CORIN: variants seen among roughly 807,000 people sequenced by gnomAD.
The protein encoded by CORIN is corin, serine peptidase.
In CORIN, 117 loss-of-function variants were observed where a neutral mutation model predicts 125.3. The ratio of observed to expected loss-of-function variants is 0.93; its 90% CI spans 0.80 to 1.09. The LOEUF (loss-of-function observed/expected upper bound fraction) is 1.09, where lower values mean the gene tolerates loss of function less well. Among genes scored for constraint, CORIN ranks in the 50% least tolerant of loss-of-function variants. The pLI, the probability that CORIN is intolerant of heterozygous loss-of-function variation, is 0.00. For synonymous variants in CORIN, 450 were observed against 466.4 expected (o/e 0.96, Z 0.45); for missense variants, 1,253 against 1,306.7 (o/e 0.96, Z 0.63).
chr4:47,730,613 C>T (rs764968438), intron 5 of CORIN, among the ~76,000 whole-genome samples: 10 of 152,182 alleles, frequency 6.6e-5, no homozygotes, highest in African/African-American at 9.6e-5. Flanking sequence ...CATGCTCCCC[C>T]TAGGGGTTTG....
intron 10 of CORIN, among the ~76,000 whole-genome samples, chr4:47,668,328 G>A (rs894232834): frequency 1.3e-5 from 2 of 152,166 alleles, no homozygotes; most frequent in Non-Finnish European, 1.5e-5. Flanking sequence ...TTCCCTGCAA[G>A]CCAACAGAAG....
intron 1 of CORIN, among the ~76,000 whole-genome samples, chr4:47,809,508 G>A (rs929547900): frequency 1.3e-5 from 2 of 149,402 alleles, no homozygotes; most frequent in African/African-American, 2.5e-5. Flanking sequence ...AGGTTCATGC[G>A]ATTCTCCTAC....
intron 5 of CORIN, among the ~76,000 whole-genome samples, chr4:47,735,637 T>C (rs1408840966): frequency 6.6e-6 from 1 of 152,144 alleles, no homozygotes; most frequent in Admixed American, 6.5e-5. Context: ...ATACTAATAA[T>C]GGGCTGGGCA....
intron 4 of CORIN, among the ~76,000 whole-genome samples, chr4:47,754,628 A>G (rs936042812): frequency 9.2e-5 from 14 of 152,002 alleles, no homozygotes; most frequent in African/African-American, 3.4e-4. Context: ...AGACCAATCC[A>G]TCCAATACAC....
intron 19 of CORIN, among the ~76,000 whole-genome samples, chr4:47,610,846 G>T (rs1388039545): frequency 6.6e-6 from 1 of 152,156 alleles, no homozygotes; most frequent in Non-Finnish European, 1.5e-5. Flanking sequence ...TATTAAATAG[G>T]AAATCTTTTC....
intron 9 of CORIN, 140 bp from the exon 10 acceptor site, chr4:47,674,640 C>T (rs183405551): frequency 2.9e-5 from 18 of 623,348 alleles, no homozygotes; most frequent in Admixed American, 2.7e-4. Context: ...AAGTATTGAA[C>T]GTACGTTGAA....
chr4:47,729,704 G>A (rs1340961217), intron 5 of CORIN, among the ~76,000 whole-genome samples: 10 of 152,104 alleles, frequency 6.6e-5, no homozygotes, highest in Admixed American at 6.5e-4. Flanking sequence ...AGTGAGGACA[G>A]GCATTTCTGT....
At chr4:47,833,903 C>G (rs1311165376) in intron 1 of CORIN, among the ~76,000 whole-genome samples, 3 of 152,072 alleles carry the variant, frequency 2.0e-5, no homozygotes, top group Non-Finnish European at 4.4e-5. Context: ...CAAAAGATAA[C>G]AAGTGTTGGA....
At chr4:47,779,068 A>C (rs966128118) in intron 3 of CORIN, among the ~76,000 whole-genome samples, 1 of 152,250 alleles carries the variant, frequency 6.6e-6, no homozygotes, top group African/African-American at 2.4e-5. Context: ...TTAAATTGCC[A>C]ATGTAGGCAA....
intron 5 of CORIN, among the ~76,000 whole-genome samples, chr4:47,712,645 G>A (rs1303200695): frequency 1.3e-5 from 2 of 152,076 alleles, no homozygotes; most frequent in African/African-American, 4.8e-5. Context: ...TTCCTCCCCT[G>A]GCTGCCACAC....
intron 9 of CORIN, among the ~76,000 whole-genome samples, chr4:47,677,436 GAA>G (rs1725075648): frequency 1.3e-5 from 2 of 152,164 alleles, no homozygotes; most frequent in Non-Finnish European, 2.9e-5. Context: ...TTTTCTGACA[GAA>G]ATAGTTACAT....
chr4:47,765,265 C>A (rs910434215), intron 3 of CORIN, among the ~76,000 whole-genome samples: 4 of 151,230 alleles, frequency 2.6e-5, no homozygotes, highest in African/African-American at 7.3e-5. Flanking sequence ...GAGCTGAGAT[C>A]GCGCCACTGC....
chr4:47,791,913 G>A (rs1731100265), intron 2 of CORIN, among the ~76,000 whole-genome samples: 1 of 152,130 alleles, frequency 6.6e-6, no homozygotes, highest in African/African-American at 2.4e-5. Flanking sequence ...TTAGTTGAGG[G>A]AGACGGGCAG....
At chr4:47,601,824 C>T (rs1721458966) in intron 20 of CORIN, among the ~76,000 whole-genome samples, 1 of 152,016 alleles carries the variant, frequency 6.6e-6, no homozygotes. Flanking sequence ...ATTGAATTTC[C>T]TTTCTGTTCT....
chr4:47,768,499 A>G (rs1006807942), intron 3 of CORIN, among the ~76,000 whole-genome samples: 4 of 152,204 alleles, frequency 2.6e-5, no homozygotes, highest in African/African-American at 9.7e-5. Context: ...CCCTGATACC[A>G]AAGCCAGACA....
chr4:47,668,942 C>T (rs1724604665), intron 10 of CORIN, among the ~76,000 whole-genome samples: 1 of 152,140 alleles, frequency 6.6e-6, no homozygotes, highest in African/African-American at 2.4e-5. Context: ...CCTGTCAACC[C>T]CAAATTCTAT....
chr4:47,650,379 A>G (rs1723686295), intron 13 of CORIN, among the ~76,000 whole-genome samples: 1 of 152,240 alleles, frequency 6.6e-6, no homozygotes, highest in Non-Finnish European at 1.5e-5. Context: ...GTCGATATAA[A>G]GCACCTGTTG....
At chr4:47,643,980 T>C (rs1723352942) in intron 14 of CORIN, among the ~76,000 whole-genome samples, 1 of 152,210 alleles carries the variant, frequency 6.6e-6, no homozygotes. Flanking sequence ...TGATTGTGCT[T>C]CACAGGACAG....
chr4:47,621,034 T>G (rs1489018297), intron 19 of CORIN, among the ~76,000 whole-genome samples: 3 of 152,248 alleles, frequency 2.0e-5, no homozygotes. Flanking sequence ...ATTTTTGCTA[T>G]TATTTAATAT....
Sources: gnomAD v4.1 joint callset for allele counts (sites outside exome capture counted in the v4.1 genomes callset) on GRCh38, gnomAD v4.1.1 for gene constraint, MANE v1.5 for transcripts, NCBI Gene and HGNC (gene_info 2026-07-23, HGNC 2026-07-21) for gene names.